Variants in CNTNAP2 observed in about 807,000 individuals in gnomAD.
The protein encoded by CNTNAP2 is contactin associated protein 2, also known as contactin-associated protein-like 2.
A neutral mutation model predicts 155.2 loss-of-function variants in CNTNAP2; 98 were observed. The observed-to-expected ratio is 0.63, with a 90% CI of 0.54 to 0.75. CNTNAP2 has a LOEUF of 0.75. Among genes scored for constraint, CNTNAP2 ranks in the 30% least tolerant of loss-of-function variants. The pLI, the probability that CNTNAP2 is intolerant of heterozygous loss-of-function variation, is 0.00. For missense variants in CNTNAP2, 1,727 were observed against 1,688.1 expected, an observed-to-expected ratio of 1.02 and a Z score of -0.40; for synonymous variants, 651 against 631.2, an observed-to-expected ratio of 1.03 and a Z score of -0.47.
intron 13 of CNTNAP2, among the ~76,000 whole-genome samples, chr7:147,751,969 G>A (rs991261720): frequency 5.3e-5 from 8 of 151,020 alleles, no homozygotes; most frequent in Non-Finnish European, 8.9e-5. Flanking sequence ...GGAAGCAATC[G>A]AGCTGGAATC....
chr7:146,816,897 G>T (rs1464212210), intron 2 of CNTNAP2, among the ~76,000 whole-genome samples: 1 of 152,160 alleles, frequency 6.6e-6, no homozygotes, highest in Non-Finnish European at 1.5e-5. Context: ...TCAAGGATTA[G>T]CTGAGTTTAC....
chr7:147,136,446 ATCT>A (rs878871679), intron 8 of CNTNAP2, among the ~76,000 whole-genome samples: 122 of 152,108 alleles, frequency 8.0e-4, no homozygotes, highest in Admixed American at 6.5e-3. Flanking sequence ...TCCAAAGGAA[ATCT>A]TCTGTGGACT....
At chr7:147,273,797 T>TA (rs1273920582) in intron 8 of CNTNAP2, among the ~76,000 whole-genome samples, 6 of 147,304 alleles carry the variant, frequency 4.1e-5, no homozygotes, top group Admixed American at 1.4e-4. Context: ...TTTATATATA[T>TA]TTTTATATCT....
At chr7:147,608,675 A>C (rs1801121117) in intron 12 of CNTNAP2, among the ~76,000 whole-genome samples, 2 of 152,212 alleles carry the variant, frequency 1.3e-5, no homozygotes, top group South Asian at 2.1e-4. Context: ...TTGGAAAACA[A>C]AATGAAGAAA....
At chr7:146,647,351 T>C (rs553967022) in intron 1 of CNTNAP2, among the ~76,000 whole-genome samples, 16 of 137,040 alleles carry the variant, frequency 1.2e-4, no homozygotes, top group Admixed American at 1.0e-3. Context: ...AAAAATAATC[T>C]TATATTAGTC....
chr7:148,279,274 G>A (rs1471534991), intron 21 of CNTNAP2, among the ~76,000 whole-genome samples: 2 of 152,234 alleles, frequency 1.3e-5, no homozygotes, highest in African/African-American at 4.8e-5. Context: ...AAATACAGTT[G>A]TGGAGTCCAT....
chr7:147,401,890 T>A (rs768964494), intron 10 of CNTNAP2, among the ~76,000 whole-genome samples: 12 of 152,156 alleles, frequency 7.9e-5, no homozygotes, highest in South Asian at 2.1e-4. Context: ...ACTCTTTTCT[T>A]TATAAATTAT....
At chr7:146,551,313 A>C (rs949692563) in intron 1 of CNTNAP2, among the ~76,000 whole-genome samples, 3 of 151,700 alleles carry the variant, frequency 2.0e-5, no homozygotes, top group Admixed American at 1.3e-4. Flanking sequence ...AACAGGCCCC[A>C]GTGTGTGATG....
intron 3 of CNTNAP2, among the ~76,000 whole-genome samples, chr7:147,028,532 G>T (rs755373381): frequency 6.6e-6 from 1 of 152,190 alleles, no homozygotes; most frequent in Non-Finnish European, 1.5e-5. Flanking sequence ...GAACAAGGGA[G>T]AATAGAGTTA....
intron 16 of CNTNAP2, among the ~76,000 whole-genome samples, chr7:148,129,371 C>T (rs947973307): frequency 2.6e-5 from 4 of 152,078 alleles, no homozygotes; most frequent in South Asian, 2.1e-4. Flanking sequence ...TAATCCACAT[C>T]GATTACTGCA....
intron 4 of CNTNAP2, among the ~76,000 whole-genome samples, chr7:147,097,991 T>A (rs1307279409): frequency 2.6e-5 from 4 of 152,206 alleles, no homozygotes; most frequent in Non-Finnish European, 5.9e-5. Context: ...CTAACTGCTT[T>A]GAAATTCTGT....
intron 3 of CNTNAP2, among the ~76,000 whole-genome samples, chr7:146,935,360 T>C (rs1255272566): frequency 6.6e-6 from 1 of 152,224 alleles, no homozygotes; most frequent in East Asian, 1.9e-4. Context: ...TAACCTTATA[T>C]TTTGATAGAT....
intron 3 of CNTNAP2, among the ~76,000 whole-genome samples, chr7:147,023,241 C>T (rs1798846168): frequency 6.6e-6 from 1 of 152,092 alleles, no homozygotes; most frequent in African/African-American, 2.4e-5. Context: ...GTTTCTCTCC[C>T]TACATGTGCT....
intron 8 of CNTNAP2, among the ~76,000 whole-genome samples, chr7:147,200,515 C>G (rs1802901138): frequency 6.6e-6 from 1 of 152,196 alleles, no homozygotes; most frequent in Non-Finnish European, 1.5e-5. Flanking sequence ...AGGACTGCAA[C>G]CAAAGCTGCC....
intron 20 of CNTNAP2, among the ~76,000 whole-genome samples, chr7:148,230,889 T>C (rs1445354522): frequency 6.6e-6 from 1 of 152,190 alleles, no homozygotes; most frequent in Non-Finnish European, 1.5e-5. Flanking sequence ...AAATTCTTTA[T>C]GGAGTAAACC....
At chr7:146,215,318 A>G (rs1562992887) in intron 1 of CNTNAP2, among the ~76,000 whole-genome samples, 2 of 152,214 alleles carry the variant, frequency 1.3e-5, no homozygotes, top group Non-Finnish European at 1.5e-5. Flanking sequence ...ACAATCATAA[A>G]TCTACTAAAG....
At chr7:147,638,896 T>C in intron 12 of CNTNAP2, 1 of 677,412 alleles carries the variant, frequency 1.5e-6, no homozygotes, top group South Asian at 1.7e-5. Flanking sequence ...GCATTTGTTT[T>C]CAATAAAAAT....
chr7:146,260,737 G>T (rs984173902), intron 1 of CNTNAP2, among the ~76,000 whole-genome samples: 2 of 152,136 alleles, frequency 1.3e-5, no homozygotes, highest in Non-Finnish European at 2.9e-5. Context: ...TATTTTAAAG[G>T]CTTATAGAAG....
At chr7:147,269,041 C>T (rs1804680359) in intron 8 of CNTNAP2, among the ~76,000 whole-genome samples, 2 of 152,064 alleles carry the variant, frequency 1.3e-5, no homozygotes, top group African/African-American at 4.8e-5. Context: ...ACTAGAAATA[C>T]TTACAATGTT....
Sources: gnomAD v4.1 joint callset for allele counts (sites outside exome capture counted in the v4.1 genomes callset) on GRCh38, gnomAD v4.1.1 for gene constraint, MANE v1.5 for transcripts, NCBI Gene and HGNC (gene_info 2026-07-23, HGNC 2026-07-21) for gene names.